The following COL25A1 variants were observed in gnomAD, a reference collection of about 807,000 sequenced individuals.
COL25A1 encodes collagen type XXV alpha 1 chain, also known as collagen alpha-1(XXV) chain.
Under a neutral mutation model 128.4 loss-of-function variants are expected in COL25A1, and 103 were observed. That is an observed-to-expected ratio of 0.80 (90% confidence interval 0.68 to 0.94). COL25A1 has a LOEUF of 0.94. COL25A1 is among the 40% of genes least tolerant of loss of function. COL25A1 has a pLI of 0.00. For missense variants in COL25A1, 745 were observed against 840.0 expected (o/e 0.89, Z 1.40); for synonymous variants, 279 against 277.2 (o/e 1.01, Z -0.06).
chr4:109,175,826 C>G (rs982726276), intron 3 of COL25A1, among the ~76,000 whole-genome samples: 1 of 152,112 alleles, frequency 6.6e-6, no homozygotes, highest in Non-Finnish European at 1.5e-5. Flanking sequence ...TAAGATTTTT[C>G]CTGCATCTTT....
chr4:108,887,298 C>G (rs1740949448), intron 18 of COL25A1, among the ~76,000 whole-genome samples: 2 of 152,138 alleles, frequency 1.3e-5, no homozygotes, highest in South Asian at 4.1e-4. Context: ...CCAATGAACC[C>G]CCAGCATGGT....
intron 13 of COL25A1, among the ~76,000 whole-genome samples, chr4:108,905,853 G>T (rs532278400): frequency 1.2e-4 from 18 of 151,464 alleles, no homozygotes; most frequent in Non-Finnish European, 1.9e-4. Flanking sequence ...AGTATGTCGG[G>T]GGGGGGTGCG....
chr4:108,895,025 C>T (rs892641426), intron 16 of COL25A1, among the ~76,000 whole-genome samples: 10 of 152,054 alleles, frequency 6.6e-5, no homozygotes, highest in Admixed American at 1.3e-4. Flanking sequence ...ATCTGAGGGC[C>T]CCGTAACAGA....
At chr4:108,984,724 C>G (rs886420670) in intron 6 of COL25A1, among the ~76,000 whole-genome samples, 4 of 152,330 alleles carry the variant, frequency 2.6e-5, no homozygotes, top group Middle Eastern at 3.4e-3. Flanking sequence ...TGTTCCTGCC[C>G]GCGCCTCTCC....
intron 3 of COL25A1, among the ~76,000 whole-genome samples, chr4:109,235,251 G>A (rs1177210818): frequency 1.3e-5 from 2 of 152,098 alleles, no homozygotes. Context: ...AGTGGCCAGA[G>A]TCAGTGACAC....
intron 5 of COL25A1, among the ~76,000 whole-genome samples, chr4:109,028,154 T>C (rs1432737692): frequency 6.6e-6 from 1 of 152,218 alleles, no homozygotes; most frequent in Admixed American, 6.5e-5. Flanking sequence ...AGACAGAGTC[T>C]CACTTTGTCA....
At chr4:109,241,855 T>C (rs1239178778) in intron 3 of COL25A1, among the ~76,000 whole-genome samples, 1 of 152,100 alleles carries the variant, frequency 6.6e-6, no homozygotes, top group Non-Finnish European at 1.5e-5. Context: ...CCTCCATGAC[T>C]TTAATTCATT....
intron 23 of COL25A1, among the ~76,000 whole-genome samples, chr4:108,860,561 T>C (rs1737076720): frequency 6.6e-6 from 1 of 152,210 alleles, no homozygotes; most frequent in East Asian, 1.9e-4. Flanking sequence ...CCATTAGTCA[T>C]GTCATAATTC....
At chr4:109,108,299 T>C (rs1022783163) in intron 3 of COL25A1, among the ~76,000 whole-genome samples, 1 of 152,092 alleles carries the variant, frequency 6.6e-6, no homozygotes, top group Non-Finnish European at 1.5e-5. Context: ...TTTGTCCTTG[T>C]GATAGTTTGC....
Position 108,982,126 on chromosome 4 carries a change from G to A in COL25A1, c.439-7567C>T, listed in dbSNP as rs979429974. On this transcript the variant is annotated intron_variant, in intron 6 of 37. Coordinates refer to ENST00000399132, the MANE Select transcript of COL25A1 (RefSeq NM_198721.4). ...GGAGAATCGCTTGAACCGAAGAGGC[G>A]GAGCTTGCAGTGAGCTGAGATCGTG... Among the ~76,000 whole-genome samples, 22 of 152,248 alleles carry A rather than the reference G, an allele frequency of 1.4e-4. No individual in the cohort carries two copies. The South Asian group carries it at 2.3e-3, about 16-fold the overall frequency.
chr4:109,239,025 C>G (rs1343010706), intron 3 of COL25A1, among the ~76,000 whole-genome samples: 1 of 151,860 alleles, frequency 6.6e-6, no homozygotes. Context: ...TCCTGAGAGG[C>G]CCAATAAGGG....
rs1156740472 is a variant in COL25A1 at position 108,860,974 on chromosome 4, T to C, written c.1198-3A>G. The C allele has an allele frequency of 1.2e-6, 2 of 1,613,406 alleles. No homozygotes were observed. Among genetic ancestry groups the C allele is most frequent in the South Asian group, 2.2e-5 (2 of 91,062 alleles). ...TCCCCTTTTTCTCCACGATCCCCCT[T>C]TTCCCGTTGGAAAGAGAAAAAACTT... On this transcript the variant is annotated splice_polypyrimidine_tract_variant and splice_region_variant and intron_variant, in intron 22 of 37. Coordinates refer to ENST00000399132, the MANE Select transcript of COL25A1 (RefSeq NM_198721.4).
chr4:109,024,587 T>C (rs924851948), intron 5 of COL25A1, among the ~76,000 whole-genome samples: 2 of 152,050 alleles, frequency 1.3e-5, no homozygotes, highest in African/African-American at 4.8e-5. Context: ...TATAAGTAAA[T>C]ATTTTTATTA....
intron 3 of COL25A1, among the ~76,000 whole-genome samples, chr4:109,151,984 C>T (rs1022032770): frequency 5.9e-5 from 9 of 151,938 alleles, no homozygotes; most frequent in African/African-American, 2.2e-4. Context: ...AAGATCTAGT[C>T]CAATATTTCC....
chr4:109,086,113 A>AT (rs368381571), intron 3 of COL25A1, among the ~76,000 whole-genome samples: 4 of 152,186 alleles, frequency 2.6e-5, no homozygotes, highest in Non-Finnish European at 4.4e-5. Context: ...AGTACTACAC[A>AT]TTTTTTTAGA....
intron 3 of COL25A1, among the ~76,000 whole-genome samples, chr4:109,240,413 T>A (rs1412699583): frequency 6.6e-6 from 1 of 152,086 alleles, no homozygotes. Context: ...TGCAGTTTGT[T>A]ACTGTTCTAA....
intron 3 of COL25A1, among the ~76,000 whole-genome samples, chr4:109,139,967 T>C (rs1258260312): frequency 1.3e-5 from 2 of 152,194 alleles, no homozygotes; most frequent in Non-Finnish European, 2.9e-5. Flanking sequence ...AATGATGGTT[T>C]CCAGCTTCAT....
intron 3 of COL25A1, among the ~76,000 whole-genome samples, chr4:109,235,547 TAC>T (rs58377954): frequency 6.0e-5 from 9 of 149,790 alleles, no homozygotes; most frequent in Non-Finnish European, 1.0e-4. Flanking sequence ...CACACACGAA[TAC>T]ACACACACAC....
chr4:109,061,165 T>C (rs1761935493), intron 3 of COL25A1, among the ~76,000 whole-genome samples: 1 of 152,194 alleles, frequency 6.6e-6, no homozygotes, highest in African/African-American at 2.4e-5. Context: ...TGGTCTTTCA[T>C]CACTCTTGTG....
Sources: allele counts gnomAD v4.1 joint callset (sites outside exome capture counted in the v4.1 genomes callset), GRCh38; gene constraint gnomAD v4.1.1; transcripts MANE v1.5; gene names NCBI Gene and HGNC (gene_info 2026-07-23, HGNC 2026-07-21).